The following TFDP2 variants were observed in gnomAD, a reference collection of about 807,000 sequenced individuals.
TFDP2 encodes the protein transcription factor Dp-2, also known as transcription factor Dp-2 (E2F dimerization partner 2).
TFDP2 carries 17 observed loss-of-function variants against 59.3 expected under a neutral mutation model. That is an observed-to-expected ratio of 0.29 (90% CI 0.20 to 0.43). The LOEUF is 0.43. TFDP2 is among the 20% of genes least tolerant of loss of function. TFDP2 has a pLI of 1.00. For synonymous variants in TFDP2, 180 were observed against 194.7 expected, an observed-to-expected ratio of 0.92 and a Z score of 0.63; for missense variants, 391 against 528.8, an observed-to-expected ratio of 0.74 and a Z score of 2.56.
At chr3:142,062,046 TC>T (rs2059934025) in intron 3 of TFDP2, among the ~76,000 whole-genome samples, 1 of 151,632 alleles carries the variant, frequency 6.6e-6, no homozygotes, top group Non-Finnish European at 1.5e-5. Flanking sequence ...CCCCTCCTCT[TC>T]CTACTCCTTC....
Position 141,952,920 on chromosome 3 carries a change from G to A in TFDP2, c.1148C>T (p.Pro383Leu), listed in dbSNP as rs757373091. Residue 383 changes from proline (P) to leucine (L), a missense_variant, in exon 12 of 13, where the codon CCC becomes CTC. Physicochemically the swap from Pro to Leu is moderately conservative, Grantham distance 98. Around this residue, in one of 3 missense-constraint regions of TFDP2, gnomAD observed 223 missense variants for 292.5 expected, o/e 0.76. Coordinates refer to ENST00000489671, the MANE Select transcript of TFDP2 (RefSeq NM_001178139.2). ...NLDLTTGATL[P>L]QSSVNQGLCL... ...TGAAAAAAATACGTACCTTGACTGGGGTAAGGTGGCACCAGTGGTCAGGTC... is the reference window on the plus strand; with the variant it reads ...TGAAAAAAATACGTACCTTGACTGGAGTAAGGTGGCACCAGTGGTCAGGTC... 1.2e-6 allele frequency: 2 copies of A among 1,613,722 alleles called. No homozygotes were observed. Among genetic ancestry groups the A allele is most frequent in the African/African-American group, 1.3e-5 (1 of 74,894 alleles).
At chr3:142,089,411 G>GA (rs2060927078) in intron 3 of TFDP2, among the ~76,000 whole-genome samples, 1 of 152,198 alleles carries the variant, frequency 6.6e-6, no homozygotes, top group African/African-American at 2.4e-5. Context: ...AAAATGGTAG[G>GA]AAAAAAATGA....
intron 3 of TFDP2, among the ~76,000 whole-genome samples, chr3:142,018,272 A>T (rs1246975434): frequency 1.3e-5 from 2 of 152,094 alleles, no homozygotes; most frequent in African/African-American, 4.8e-5. Context: ...GCTACATAGT[A>T]TTCCCTTTTA....
intron 1 of TFDP2, among the ~76,000 whole-genome samples, chr3:142,129,013 C>T (rs2062387145): frequency 6.6e-6 from 1 of 151,812 alleles, no homozygotes; most frequent in South Asian, 2.1e-4. Flanking sequence ...ATGCTGAGCT[C>T]ACAAAAGAGT....
At position 141,946,207 on chromosome 3, in the gene TFDP2, G is replaced by C. The variant is rs1935228812; in HGVS notation, c.*6306C>G. On this transcript the variant is annotated 3_prime_UTR_variant, in exon 13 of 13. Coordinates refer to ENST00000489671, the MANE Select transcript of TFDP2 (RefSeq NM_001178139.2). ...TGGGAGGCAAGTCAAGCTCTTGCTTGTTTCCCATCTCTAAATGAGCAGGGT... is the reference window on the plus strand; with the variant it reads ...TGGGAGGCAAGTCAAGCTCTTGCTTCTTTCCCATCTCTAAATGAGCAGGGT... 1 of 152,166 alleles carries C rather than the reference G, an allele frequency of 6.6e-6. No individual in the cohort carries two copies. Among genetic ancestry groups the C allele is most frequent in the South Asian group, 2.1e-4 (1 of 4,824 alleles). 9.4% of individuals were successfully genotyped at this position (152,166 alleles called of 1,614,324 possible). A position where few individuals can be genotyped will look rare whatever the true frequency, so the allele number is the denominator to read the frequency against.
At chr3:142,014,108 C>T (rs1386025587) in intron 3 of TFDP2, among the ~76,000 whole-genome samples, 1 of 152,066 alleles carries the variant, frequency 6.6e-6, no homozygotes, top group African/African-American at 2.4e-5. Flanking sequence ...GGTCCAACTT[C>T]CCAGAACAAG....
chr3:142,052,664 A>G (rs1042886610), intron 3 of TFDP2, among the ~76,000 whole-genome samples: 10 of 152,012 alleles, frequency 6.6e-5, no homozygotes, highest in African/African-American at 2.4e-4. Context: ...TCCTGGGCTC[A>G]AGGGATTCTC....
At chr3:141,969,271 G>A in intron 9 of TFDP2, among the ~76,000 whole-genome samples, 1 of 100,940 alleles carries the variant, frequency 9.9e-6, no homozygotes, top group Non-Finnish European at 1.9e-5. Flanking sequence ...TCATATATAT[G>A]AGATATATAT....
intron 3 of TFDP2, chr3:142,044,242 T>G (rs1296718988): frequency 1.7e-4 from 42 of 246,952 alleles, no homozygotes; most frequent in South Asian, 5.1e-4. Flanking sequence ...TTTTTTTTTT[T>G]TTTTTTTTTT....
intron 6 of TFDP2, among the ~76,000 whole-genome samples, chr3:141,990,647 T>C (rs1212939679): frequency 1.3e-5 from 2 of 152,212 alleles, no homozygotes; most frequent in African/African-American, 4.8e-5. Flanking sequence ...GTTTACATCC[T>C]GTGGCCAAAT....
At chr3:142,029,519 C>T (rs1027918872) in intron 3 of TFDP2, among the ~76,000 whole-genome samples, 1 of 151,906 alleles carries the variant, frequency 6.6e-6, no homozygotes, top group African/African-American at 2.4e-5. Flanking sequence ...ACTTAGTTTT[C>T]CTAGGCAGGA....
chr3:142,079,227 C>T (rs1048121146), intron 3 of TFDP2, among the ~76,000 whole-genome samples: 2 of 151,900 alleles, frequency 1.3e-5, no homozygotes, highest in African/African-American at 2.4e-5. Context: ...GGCTTGAACC[C>T]GGGAGGCAGA....
In TFDP2 at chr3:141,994,136, T is replaced by C. The variant is rs1016744355; in HGVS notation, c.309-551A>G. ...ATTTGATAATGGAAAAGTATGCATA[T>C]ACAAAACTCTTCTGTCTTTAATGTA... is the stretch of plus-strand genomic sequence containing the variant. On this transcript the variant is annotated intron_variant, in intron 5 of 12. Coordinates refer to ENST00000489671, the MANE Select transcript of TFDP2 (RefSeq NM_001178139.2). 5 of 152,330 alleles carry C rather than the reference T, an allele frequency of 3.3e-5. No individual in the cohort carries two copies. In the East Asian group the frequency reaches 7.7e-4, roughly 23 times the overall value. 9.4% of individuals were successfully genotyped at this position (152,330 alleles called of 1,614,324 possible).
At position 141,956,152 on chromosome 3, in the gene TFDP2, A is replaced by T. The variant is rs114045043; in HGVS notation, c.1052-3136T>A. Among the ~76,000 whole-genome samples, 328 of 152,348 alleles carry T rather than the reference A, an allele frequency of 2.2e-3. 1 individual carries two copies. The highest frequency in any genetic ancestry group is 7.6e-3 in the African/African-American group (314 of 41,574). ...TACAAAATATGTAATATTTTCAGGA[A>T]TTAGGAAAATCAGGAAGATTTCTAA... On this transcript the variant is annotated intron_variant, in intron 11 of 12. Coordinates refer to ENST00000489671, the MANE Select transcript of TFDP2 (RefSeq NM_001178139.2).
At position 142,091,995 on chromosome 3, in the gene TFDP2, G is replaced by A. The variant is rs181157986; in HGVS notation, c.82+1066C>T. ...TAAGGAAGCTGATGTTTCTCTCATAGCTATTTGTATTGTAATAGATCTTTT... is the reference window on the plus strand; with the variant it reads ...TAAGGAAGCTGATGTTTCTCTCATAACTATTTGTATTGTAATAGATCTTTT... On this transcript the variant is annotated intron_variant, in intron 3 of 12. Coordinates refer to ENST00000489671, the MANE Select transcript of TFDP2 (RefSeq NM_001178139.2). Among the ~76,000 whole-genome samples the A allele has an allele frequency of 5.7e-3, 861 of 152,104 alleles. 14 individuals carry two copies. The highest frequency in any genetic ancestry group is 5.0e-3 in the Non-Finnish European group (338 of 67,982).
Position 142,010,503 on chromosome 3 carries a change from G to C in TFDP2, c.83-4959C>G, listed in dbSNP as rs189906821. On this transcript the variant is annotated intron_variant, in intron 3 of 12. Coordinates refer to ENST00000489671, the MANE Select transcript of TFDP2 (RefSeq NM_001178139.2). ...GTGTGCCTGTAATCCCAGCTACTTG[G>C]GGGGCTGAGGCAGGAGAATCGCTTG... Among the ~76,000 whole-genome samples, 1,061 of 151,958 alleles carry C rather than the reference G, an allele frequency of 7.0e-3. 3 individuals are homozygous for C. The highest frequency in any genetic ancestry group is 0.011 in the Non-Finnish European group (769 of 67,956).
At chr3:142,140,315 T>C (rs1009305586) in intron 1 of TFDP2, among the ~76,000 whole-genome samples, 1 of 152,204 alleles carries the variant, frequency 6.6e-6, no homozygotes, top group South Asian at 2.1e-4. Context: ...ACATGCTTCT[T>C]TAGCTCAGAG....
At chr3:142,000,433 C>T (rs570378936) in intron 4 of TFDP2, 101 of 568,466 alleles carry the variant, frequency 1.8e-4, no homozygotes, top group Middle Eastern at 3.8e-4. Context: ...GGGTGAAGCC[C>T]TCATGACTTC....
At chr3:142,101,894 T>A in intron 1 of TFDP2, 53 bp from the exon 2 acceptor site, 1 of 462,488 alleles carries the variant, frequency 2.2e-6, no homozygotes, top group Non-Finnish European at 3.8e-6. Flanking sequence ...ATAGGCAACA[T>A]TTATGTCATA....
Sources: allele counts gnomAD v4.1 joint callset (sites outside exome capture counted in the v4.1 genomes callset), GRCh38; gene constraint gnomAD v4.1.1; regional missense constraint gnomAD v4.1.1; transcripts MANE v1.5; gene names NCBI Gene and HGNC (gene_info 2026-07-23, HGNC 2026-07-21).